SLC26A5: variants seen among roughly 807,000 people sequenced by gnomAD.
The protein encoded by SLC26A5 is solute carrier family 26 member 5.
SLC26A5 carries 51 observed loss-of-function variants against 81.0 expected under a neutral mutation model. The observed-to-expected ratio is 0.63, with a 90% CI of 0.50 to 0.80. The LOEUF is 0.80. SLC26A5 is among the 30% of genes least tolerant of loss of function. The probability of loss-of-function intolerance (pLI) is 0.00; values close to 1 mark genes in which losing one functional copy is unlikely to be tolerated. For missense variants in SLC26A5, 771 were observed against 905.8 expected (o/e 0.85, Z 1.91); for synonymous variants, 325 against 332.8 (o/e 0.98, Z 0.25).
At chr7:103,397,614 G>A (rs2116535721) in intron 9 of SLC26A5, among the ~76,000 whole-genome samples, 1 of 150,270 alleles carries the variant, frequency 6.7e-6, no homozygotes, top group East Asian at 2.0e-4. Flanking sequence ...CTACTTGGGA[G>A]GCTGAGGCAG....
intron 2 of SLC26A5, among the ~76,000 whole-genome samples, chr7:103,436,908 A>G (rs1232260830): frequency 6.6e-6 from 1 of 152,256 alleles, no homozygotes; most frequent in Non-Finnish European, 1.5e-5. Context: ...TATGGCTCCA[A>G]AGTCACAGAC....
intron 5 of SLC26A5, 61 bp from the exon 6 acceptor site, chr7:103,411,647 C>T: frequency 6.3e-7 from 1 of 1,580,482 alleles, no homozygotes. Context: ...ATGGTTTTTG[C>T]CAGTACACCA....
At chr7:103,399,038 C>T (rs958766108) in intron 8 of SLC26A5, among the ~76,000 whole-genome samples, 4 of 152,040 alleles carry the variant, frequency 2.6e-5, no homozygotes, top group African/African-American at 9.7e-5. Flanking sequence ...TAATTTAAAC[C>T]ATTGTTTTCT....
chr7:103,355,704 A>G, intron 19 of SLC26A5: 1 of 1,613,556 alleles, frequency 6.2e-7, no homozygotes, highest in Non-Finnish European at 8.5e-7. Flanking sequence ...GTATTAAAGA[A>G]TCTGACACTG....
intron 9 of SLC26A5, among the ~76,000 whole-genome samples, chr7:103,396,328 T>C (rs553774594): frequency 2.6e-4 from 39 of 152,256 alleles, no homozygotes; most frequent in African/African-American, 9.1e-4. Context: ...TACAGGTATA[T>C]ACCCAAAAGA....
At chr7:103,429,163 C>A (rs1490722956) in intron 2 of SLC26A5, among the ~76,000 whole-genome samples, 1 of 152,156 alleles carries the variant, frequency 6.6e-6, no homozygotes, top group Non-Finnish European at 1.5e-5. Context: ...TTGTCTGAAA[C>A]TAAGAGCCAT....
intron 19 of SLC26A5, among the ~76,000 whole-genome samples, chr7:103,358,565 T>A (rs1820175670): frequency 6.6e-6 from 1 of 152,098 alleles, no homozygotes; most frequent in African/African-American, 2.4e-5. Context: ...TTTCTGTTGA[T>A]GTTTTTTTCC....
intron 19 of SLC26A5, among the ~76,000 whole-genome samples, chr7:103,375,200 CT>C (rs1431237779): frequency 6.7e-6 from 1 of 150,108 alleles, no homozygotes; most frequent in East Asian, 2.0e-4. Flanking sequence ...ATTCTGAACC[CT>C]TTTTGCTTAA....
intron 2 of SLC26A5, among the ~76,000 whole-genome samples, chr7:103,428,584 C>T (rs1427057663): frequency 9.0e-6 from 1 of 111,240 alleles, no homozygotes; most frequent in African/African-American, 3.4e-5. Flanking sequence ...TTTTTTGAAA[C>T]AGACACCTGC....
In SLC26A5 at chr7:103,386,801, C is replaced by T. The variant is rs374176737; in HGVS notation, c.1514+2207G>A. On this transcript the variant is annotated intron_variant, in intron 14 of 19. Coordinates refer to ENST00000306312, the MANE Select transcript of SLC26A5 (RefSeq NM_198999.3). ...TTTTTTGAGACGTGTGTCACTCTGTCGCCCAGGCTGGAGTGCAATGGCTCA... is the reference window on the plus strand; with the variant it reads ...TTTTTTGAGACGTGTGTCACTCTGTTGCCCAGGCTGGAGTGCAATGGCTCA... Among the ~76,000 whole-genome samples, 15 of 151,678 alleles carry T rather than the reference C, an allele frequency of 9.9e-5. No homozygotes were observed. The East Asian group carries it at 2.5e-3, about 26-fold the overall frequency.
intron 14 of SLC26A5, among the ~76,000 whole-genome samples, chr7:103,387,873 A>G (rs6651100): frequency 0.059 from 9,022 of 152,042 alleles, 902 homozygotes; most frequent in African/African-American, 0.21. Flanking sequence ...TAGTAAAGAC[A>G]GGGTTTCACC....
At chr7:103,413,739 G>T (rs1824687699) in intron 4 of SLC26A5, among the ~76,000 whole-genome samples, 1 of 151,904 alleles carries the variant, frequency 6.6e-6, no homozygotes, top group African/African-American at 2.4e-5. Flanking sequence ...ACACCCTCTA[G>T]GGGACTCTTT....
At chr7:103,395,497 G>C (rs1469802241) in intron 9 of SLC26A5, among the ~76,000 whole-genome samples, 1 of 39,430 alleles carries the variant, frequency 2.5e-5, no homozygotes, top group African/African-American at 5.9e-5. Flanking sequence ...GCATATATAT[G>C]TATGTATATA....
intron 9 of SLC26A5, among the ~76,000 whole-genome samples, chr7:103,395,481 ATATACG>A (rs1823017981): frequency 7.1e-6 from 1 of 140,320 alleles, no homozygotes; most frequent in African/African-American, 2.6e-5. Context: ...ATACATATAT[ATATACG>A]CATATATATG....
chr7:103,362,887 G>A (rs1208719739), intron 19 of SLC26A5: 10 of 673,036 alleles, frequency 1.5e-5, no homozygotes, highest in South Asian at 9.4e-5. Context: ...TCTGCCTCCC[G>A]GGTTCAAGCA....
chr7:103,407,879 G>C lies in SLC26A5; in HGVS notation c.860C>G (p.Pro287Arg). ...AAAGAACTCTAAAGGAATAGGCGCC[G>C]GCAATTTCTCTTTAAATCTCTCATT... The part of the protein sequence containing the change: ...EFNERFKEKL[P>R]APIPLEFFAV... The change falls in exon 8 of 20, where the codon CCG becomes CGG. Residue 287 changes from proline to arginine, a missense_variant. By Grantham distance (103) the Pro-to-Arg change is moderately radical. Coordinates refer to ENST00000306312, the MANE Select transcript of SLC26A5 (RefSeq NM_198999.3). The C allele has an allele frequency of 1.2e-6, 2 of 1,614,082 alleles. No homozygotes were observed. The highest frequency in any genetic ancestry group is 1.7e-6 in the Non-Finnish European group (2 of 1,180,012).
At chr7:103,428,270 G>A (rs1310311267) in intron 2 of SLC26A5, among the ~76,000 whole-genome samples, 2 of 152,078 alleles carry the variant, frequency 1.3e-5, no homozygotes, top group Admixed American at 6.5e-5. Context: ...AAGGAGAAAC[G>A]CAATACTAAT....
intron 19 of SLC26A5, among the ~76,000 whole-genome samples, chr7:103,360,902 G>C (rs746561680): frequency 1.3e-5 from 2 of 151,784 alleles, no homozygotes; most frequent in African/African-American, 2.4e-5. Context: ...ACTTGAGGTC[G>C]GGAGTTTGAA....
chr7:103,429,232 G>C (rs946225337), intron 2 of SLC26A5, among the ~76,000 whole-genome samples: 2 of 152,118 alleles, frequency 1.3e-5, no homozygotes, highest in African/African-American at 4.8e-5. Flanking sequence ...CTGTGAACCG[G>C]AGGTATCAGA....
Sources: gnomAD v4.1 joint callset for allele counts (sites outside exome capture counted in the v4.1 genomes callset) on GRCh38, gnomAD v4.1.1 for gene constraint, MANE v1.5 for transcripts, NCBI Gene and HGNC (gene_info 2026-07-23, HGNC 2026-07-21) for gene names.